The following TCHHL1 variants were observed in gnomAD, a reference collection of about 807,000 sequenced individuals.
TCHHL1 encodes the protein trichohyalin like 1.
A neutral mutation model predicts 3.5 loss-of-function variants in TCHHL1; 1 was observed. The ratio of observed to expected loss-of-function variants is 0.29; its 90% CI spans 0.10 to 1.36. The LOEUF (loss-of-function observed/expected upper bound fraction) is 1.36. Ranked by LOEUF, TCHHL1 falls within the 40% of genes most tolerant of loss-of-function variation. The probability of loss-of-function intolerance (pLI) is 0.43; values close to 1 mark genes in which losing one functional copy is unlikely to be tolerated. For missense variants in TCHHL1, 1,027 were observed against 1,032.8 expected, an observed-to-expected ratio of 0.99 and a Z score of 0.08; for synonymous variants, 405 against 375.3, an observed-to-expected ratio of 1.08 and a Z score of -0.92.
Position 152,084,789 on chromosome 1 carries a change from A to C in TCHHL1, c.*178T>G. ...GTTTGGTAGGAGTTTTACTGACTGT[A>C]TTTGTTTGCTCAGATGTTTCTTTAG... On this transcript the variant is annotated 3_prime_UTR_variant, in exon 3 of 3. Transcript: ENST00000368806. 1.5e-6 allele frequency: 1 copy of C among 668,952 alleles called. No individual in the cohort carries two copies. 41.4% of individuals were successfully genotyped at this position (668,952 alleles called of 1,614,324 possible). A position where few individuals can be genotyped will look rare whatever the true frequency, so the allele number is the denominator to read the frequency against.
intron 2 of TCHHL1, 35 bp downstream of exon 2, chr1:152,087,971 T>C: frequency 3.2e-6 from 5 of 1,540,272 alleles, no homozygotes; most frequent in South Asian, 1.3e-5. Flanking sequence ...AAGGGTGAGT[T>C]GGAAAGAATT....
chr1:152,086,667 C>T lies in TCHHL1; in HGVS notation c.1015G>A (p.Asp339Asn), dbSNP rs868701197. ...GTTTTAGCTGGTGTCTGGTCAGCAT[C>T]CTTTCCTGGTTCTTGAGTGTCAAAC... ...RMFDTQEPGK[D>N]ADQTPAKTKN... The change falls in exon 3 of 3, where the codon GAT becomes AAT. Residue 339 changes from aspartate (D) to asparagine (N), a missense_variant. Around this residue, in one of 3 missense-constraint regions of TCHHL1, gnomAD observed 673 missense variants for 658.6 expected, o/e 1.02. Transcript: ENST00000368806. The T allele has an allele frequency of 6.2e-7, 1 of 1,614,172 alleles. No individual in the cohort carries two copies. Among genetic ancestry groups the T allele is most frequent in the African/African-American group, 1.3e-5 (1 of 75,022 alleles).
In TCHHL1 at chr1:152,084,318, C is replaced by G. The variant is rs1009202615; in HGVS notation, c.*649G>C. The stretch of plus-strand genomic sequence containing the variant: ...CTTGATTGTTTATTTGAGCCAAAAG[C>G]TATGAAAAGTTTGTGTAAGGAGTGG... On this transcript the variant is annotated 3_prime_UTR_variant, in exon 3 of 3. Transcript: ENST00000368806. 6 of 166,980 alleles carry G rather than the reference C, an allele frequency of 3.6e-5. No homozygotes were observed. The highest frequency in any genetic ancestry group is 4.4e-5 in the Non-Finnish European group (3 of 68,114). 10.3% of individuals were successfully genotyped at this position (166,980 alleles called of 1,614,324 possible).
In TCHHL1 at chr1:152,086,091, G is replaced by C; in HGVS notation, c.1591C>G (p.Gln531Glu). 1 of 1,614,114 alleles carries C rather than the reference G, an allele frequency of 6.2e-7. No individual in the cohort carries two copies. The highest frequency in any genetic ancestry group is 1.1e-5 in the South Asian group (1 of 91,082). Residue 531 changes from glutamine (Q) to glutamate (E), a missense_variant, in exon 3 of 3, where the codon CAG becomes GAG. Physicochemically the swap from Gln to Glu is conservative, Grantham distance 29. Coordinates refer to ENST00000368806, the MANE Select transcript of TCHHL1 (RefSeq NM_001008536.2). ...DQPVEEEDGY[Q>E]GEDPESPFTQ... ...AATGGTGACTCAGGGTCCTCCCCCT[G>C]GTAACCATCCTCCTCCTCAACTGGT... is the stretch of plus-strand genomic sequence containing the variant.
In TCHHL1 at chr1:152,085,580, ACCTTTAATTCATTTCTGCTATCT is replaced by A; in HGVS notation, c.2079_2101del (p.Asp694ProfsTer5). 1.9e-6 allele frequency: 3 copies of A among 1,614,062 alleles called. No individual in the cohort carries two copies. Among genetic ancestry groups the A allele is most frequent in the Non-Finnish European group, 2.5e-6 (3 of 1,180,004 alleles). ...CTCTTCTTTGCTACTTGGGCCTTGG[ACCTTTAATTCATTTCTGCTATCT>A]CCCTTTCCAGGGAGCTGCATTAGGG... On this transcript the variant is annotated frameshift_variant, in exon 3 of 3. Coordinates refer to ENST00000368806, the MANE Select transcript of TCHHL1 (RefSeq NM_001008536.2). LOFTEE classifies it low-confidence loss of function (END_TRUNC).
Position 152,085,433 on chromosome 1 carries a change from CT to C in TCHHL1, c.2248del (p.Ser750ValfsTer66). On this transcript the variant is annotated frameshift_variant, in exon 3 of 3. Coordinates refer to ENST00000368806, the MANE Select transcript of TCHHL1 (RefSeq NM_001008536.2). LOFTEE classifies it low-confidence loss of function (END_TRUNC). ...ACCTTCTCCTGCCAGCTCTTGGGGACTTTCATCTTCCTCCTCTGATGTTACA... is the reference window on the plus strand; with the variant it reads ...ACCTTCTCCTGCCAGCTCTTGGGGACTTCATCTTCCTCCTCTGATGTTACA... ...EPVTSEEEDE[S>X]PQELAGEGGD... The C allele has an allele frequency of 6.2e-7, 1 of 1,614,192 alleles. No individual in the cohort carries two copies. The highest frequency in any genetic ancestry group is 8.5e-7 in the Non-Finnish European group (1 of 1,180,026).
rs1019655754 is a variant in TCHHL1 at position 152,085,056 on chromosome 1, G to A, written c.2626C>T (p.Pro876Ser). The A allele has an allele frequency of 1.2e-6, 2 of 1,613,920 alleles. No homozygotes were observed. Among genetic ancestry groups the A allele is most frequent in the Admixed American group, 1.7e-5 (1 of 59,984 alleles). The change falls in exon 3 of 3, where the codon CCA (proline) becomes TCA (serine). Residue 876 changes from proline to serine, a missense_variant. By Grantham distance (74) the Pro-to-Ser change is moderately conservative (BLOSUM62 -1). Around this residue, in one of 3 missense-constraint regions of TCHHL1, gnomAD observed 673 missense variants for 658.6 expected, o/e 1.02. Transcript: ENST00000368806. ...DESPAGAQET[P>S]APQALEDKQG... The stretch of plus-strand genomic sequence containing the variant: ...TTATCTTCCAAGGCCTGGGGAGCTG[G>A]TGTTTCCTGTGCACCAGCAGGACTC...
rs1183138209 is a variant in TCHHL1, at chr1:152,084,486, A to C, written c.*481T>G. 1 of 154,764 alleles carries C rather than the reference A, an allele frequency of 6.5e-6. No homozygotes were observed. The highest frequency in any genetic ancestry group is 1.5e-5 in the Non-Finnish European group (1 of 68,494). 9.6% of individuals were successfully genotyped at this position (154,764 alleles called of 1,614,324 possible). A position where few individuals can be genotyped will look rare whatever the true frequency, so the allele number is the denominator to read the frequency against. ...ATAATTAAGTTATGGCATTGTCTAAAATTATTTTGAAGGATAAAATTTTAG... is the reference window on the plus strand; with the variant it reads ...ATAATTAAGTTATGGCATTGTCTAACATTATTTTGAAGGATAAAATTTTAG... On this transcript the variant is annotated 3_prime_UTR_variant, in exon 3 of 3. Coordinates refer to ENST00000368806, the MANE Select transcript of TCHHL1 (RefSeq NM_001008536.2).
chr1:152,085,931 A>C lies in TCHHL1; in HGVS notation c.1751T>G (p.Val584Gly). Residue 584 changes from valine (V) to glycine (G), a missense_variant, in exon 3 of 3, where the codon GTG becomes GGG. Around this residue, in one of 3 missense-constraint regions of TCHHL1, gnomAD observed 673 missense variants for 658.6 expected, o/e 1.02. Transcript: ENST00000368806. ...QSQGDQHGES[V>G]QGGHNNNPDT... ...TGGGTTATTATTGTGACCTCCTTGC[A>C]CAGACTCTCCATGTTGGTCCCCTTG... 1 of 1,614,164 alleles carries C rather than the reference A, an allele frequency of 6.2e-7. No homozygotes were observed. Among genetic ancestry groups the C allele is most frequent in the Non-Finnish European group, 8.5e-7 (1 of 1,180,032 alleles).
rs267598024 is a variant in TCHHL1 at position 152,087,128 on chromosome 1, C to A, written c.554G>T (p.Gly185Val). ...HNDPKNKHLE[G>V]DEQSQEVAQD... ...AGCCACTTCCTGACTTTGTTCATCT[C>A]CTTCCAGGTGTTTGTTCTTAGGATC... The change falls in exon 3 of 3, where the codon GGA becomes GTA. Residue 185 changes from glycine to valine, a missense_variant. Gly to Val is a moderately radical substitution (Grantham distance 109). This residue lies in a region of TCHHL1 where 338 missense variants were observed against 335.9 expected (regional missense o/e 1.01). Transcript: ENST00000368806. 6.2e-7 allele frequency: 1 copy of A among 1,614,214 alleles called. No individual in the cohort carries two copies. Among genetic ancestry groups the A allele is most frequent in the Non-Finnish European group, 8.5e-7 (1 of 1,180,032 alleles).
Position 152,086,367 on chromosome 1 carries a change from CA to C in TCHHL1, c.1314del (p.Glu439LysfsTer9), listed in dbSNP as rs550660289. 40 of 1,614,192 alleles carry C rather than the reference CA, an allele frequency of 2.5e-5. 1 individual carries two copies. In the South Asian group the frequency reaches 4.3e-4, roughly 17 times the overall value. Reference sequence around the variant, plus strand: ...AGATATTGTGTCTCAGAACCTTTTTCAGCATCTTTTGATTTTGATAATCCTT... The same window carrying C: ...AGATATTGTGTCTCAGAACCTTTTTCGCATCTTTTGATTTTGATAATCCTT... ...ELQGLSKSKD[A>X]EKGSETQYLS... On this transcript the variant is annotated frameshift_variant, in exon 3 of 3. Transcript: ENST00000368806. LOFTEE classifies it low-confidence loss of function (END_TRUNC).
At position 152,086,279 on chromosome 1, in the gene TCHHL1, T is replaced by A. The variant is rs375226958; in HGVS notation, c.1403A>T (p.Glu468Val). ...ELEGTAVSGE[E>V]AEHTKEGTAE... Reference sequence around the variant, plus strand: ...TGTGCCTTCTTTGGTGTGTTCTGCCTCTTCTCCTGAGACTGCTGTTCCTTC... The same window carrying A: ...TGTGCCTTCTTTGGTGTGTTCTGCCACTTCTCCTGAGACTGCTGTTCCTTC... The change falls in exon 3 of 3, where the codon GAG (glutamate) becomes GTG (valine). Residue 468 changes from glutamate to valine, a missense_variant. Transcript: ENST00000368806. 1 of 1,614,152 alleles carries A rather than the reference T, an allele frequency of 6.2e-7. No homozygotes were observed. Among genetic ancestry groups the A allele is most frequent in the African/African-American group, 1.3e-5 (1 of 74,946 alleles).
At position 152,086,084 on chromosome 1, in the gene TCHHL1, T is replaced by G; in HGVS notation, c.1598A>C (p.Glu533Ala). ...CTGTGTGAATGGTGACTCAGGGTCC[T>G]CCCCCTGGTAACCATCCTCCTCCTC... Reference protein sequence around the residue: ...PVEEEDGYQGEDPESPFTQSD... With the variant: ...PVEEEDGYQGADPESPFTQSD... Residue 533 changes from glutamate to alanine, a missense_variant, in exon 3 of 3, where the codon GAG becomes GCG. Physicochemically the swap from Glu to Ala is moderately radical, Grantham distance 107. Coordinates refer to ENST00000368806, the MANE Select transcript of TCHHL1 (RefSeq NM_001008536.2). 6.2e-7 allele frequency: 1 copy of G among 1,614,138 alleles called. No individual in the cohort carries two copies. The highest frequency in any genetic ancestry group is 8.5e-7 in the Non-Finnish European group (1 of 1,180,016).
In TCHHL1 at chr1:152,086,437, T is replaced by A. The variant is rs771031574; in HGVS notation, c.1245A>T (p.Leu415=). 2.5e-6 allele frequency: 4 copies of A among 1,614,142 alleles called. No homozygotes were observed. Among genetic ancestry groups the A allele is most frequent in the Admixed American group, 1.7e-5 (1 of 60,014 alleles). Residue 415 remains leucine, a synonymous_variant, in exon 3 of 3, where the codon CTA becomes CTT. Coordinates refer to ENST00000368806, the MANE Select transcript of TCHHL1 (RefSeq NM_001008536.2). ...CATCCTGTGTTTGGGTTTCCAGGAC[T>A]AGTGGCCGAGTTTTTCTGTCACGTT... is the stretch of plus-strand genomic sequence containing the variant. The part of the protein sequence containing the change: ...QKERDRKTRP[L]VLETQTQDGK...
Position 152,086,080 on chromosome 1 carries a change from G to A in TCHHL1, c.1602C>T (p.Asp534=). The change falls in exon 3 of 3, where the codon GAC becomes GAT. Residue 534 remains aspartate, a synonymous_variant. Coordinates refer to ENST00000368806, the MANE Select transcript of TCHHL1 (RefSeq NM_001008536.2). ...VEEEDGYQGE[D]PESPFTQSDE... is the part of the protein sequence containing the mutation. ...CACTCTGTGTGAATGGTGACTCAGG[G>A]TCCTCCCCCTGGTAACCATCCTCCT... The A allele has an allele frequency of 2.5e-6, 4 of 1,614,124 alleles. No individual in the cohort carries two copies. Among genetic ancestry groups the A allele is most frequent in the Non-Finnish European group, 3.4e-6 (4 of 1,180,020 alleles).
At chr1:152,087,960 A>G (rs367629756) in intron 2 of TCHHL1, 46 bp downstream of exon 2, 15 of 1,527,196 alleles carry the variant, frequency 9.8e-6, no homozygotes, top group Non-Finnish European at 4.4e-6. Context: ...GATTATAAAG[A>G]AAGGGTGAGT....
In TCHHL1 at chr1:152,085,198, C is replaced by T. The variant is rs1370685389; in HGVS notation, c.2484G>A (p.Gln828=). The part of the protein sequence containing the change: ...EEHQKQVQIA[Q]ASGPELCSVS... Reference sequence around the variant, plus strand: ...CACTGCAAAGCTCTGGGCCTGATGCCTGGGCTATCTGAACTTGCTTTTGAT... The same window carrying T: ...CACTGCAAAGCTCTGGGCCTGATGCTTGGGCTATCTGAACTTGCTTTTGAT... The change falls in exon 3 of 3, where the codon CAG becomes CAA. Residue 828 remains glutamine (Q), a synonymous_variant. Coordinates refer to ENST00000368806, the MANE Select transcript of TCHHL1 (RefSeq NM_001008536.2). The T allele has an allele frequency of 1.4e-5, 23 of 1,614,080 alleles. No homozygotes were observed. Among genetic ancestry groups the T allele is most frequent in the Non-Finnish European group, 1.9e-5 (22 of 1,180,052 alleles).
At position 152,085,131 on chromosome 1, in the gene TCHHL1, T is replaced by C. The variant is rs753095020; in HGVS notation, c.2551A>G (p.Asn851Asp). ...SEISDCSVFF[N>D]YSQASQPYTR... ...TATGGTTGTGATGCTTGGCTGTAGT[T>C]GAAAAAGACAGAACAATCTGAGATC... The change falls in exon 3 of 3, where the codon AAC (asparagine) becomes GAC (aspartate). Residue 851 changes from asparagine to aspartate, a missense_variant. Coordinates refer to ENST00000368806, the MANE Select transcript of TCHHL1 (RefSeq NM_001008536.2). 1 of 1,614,092 alleles carries C rather than the reference T, an allele frequency of 6.2e-7. No homozygotes were observed. Among genetic ancestry groups the C allele is most frequent in the Non-Finnish European group, 8.5e-7 (1 of 1,180,030 alleles).
chr1:152,087,541 G>A lies in TCHHL1; in HGVS notation c.141C>T (p.Pro47=), dbSNP rs1244549726. The change falls in exon 3 of 3, where the codon CCC becomes CCT. Residue 47 remains proline, a splice_region_variant and synonymous_variant. Coordinates refer to ENST00000368806, the MANE Select transcript of TCHHL1 (RefSeq NM_001008536.2). ...TTTTTTCCACAGCATGAAGGACACA[G>A]GGCTGCATGAAAACACAGTGAGAAA... ...IQGEFGDFFQ[P]CVLHAVEKNS... 4.4e-6 allele frequency: 7 copies of A among 1,585,990 alleles called. No individual in the cohort carries two copies. Among genetic ancestry groups the A allele is most frequent in the East Asian group, 2.2e-5 (1 of 44,808 alleles).
Sources: gnomAD v4.1 joint callset for allele counts on GRCh38, gnomAD v4.1.1 for gene constraint, gnomAD v4.1.1 regional missense constraint, MANE v1.5 for transcripts, NCBI Gene and HGNC (gene_info 2026-07-23, HGNC 2026-07-21) for gene names.